The following MTHFD2L variants were observed in gnomAD, a reference collection of about 807,000 sequenced individuals.
MTHFD2L encodes the protein methylenetetrahydrofolate dehydrogenase (NADP+ dependent) 2 like.
MTHFD2L carries 29 observed loss-of-function variants against 34.9 expected under a neutral mutation model. That is an observed-to-expected ratio of 0.83 (90% CI 0.62 to 1.13). The LOEUF (loss-of-function observed/expected upper bound fraction) is 1.13, where lower values mean the gene tolerates loss of function less well. Among genes scored for constraint, MTHFD2L ranks in the 50% most tolerant of loss-of-function variants. The pLI is 0.00. For synonymous variants in MTHFD2L, 167 were observed against 155.7 expected (o/e 1.07, Z -0.54); for missense variants, 481 against 446.5 (o/e 1.08, Z -0.70).
At chr4:74,253,102 A>G (rs1193946720) in intron 6 of MTHFD2L, among the ~76,000 whole-genome samples, 1 of 152,168 alleles carries the variant, frequency 6.6e-6, no homozygotes, top group Non-Finnish European at 1.5e-5. Flanking sequence ...AGAATTTTAC[A>G]CCCAGCTAAA....
chr4:74,238,857 T>G (rs972998635), intron 6 of MTHFD2L, among the ~76,000 whole-genome samples: 4 of 152,158 alleles, frequency 2.6e-5, no homozygotes, highest in African/African-American at 9.7e-5. Context: ...GGAGAGGATG[T>G]GGAGAAATAG....
intron 1 of MTHFD2L, among the ~76,000 whole-genome samples, chr4:74,159,194 C>G (rs1320566440): frequency 6.6e-6 from 1 of 152,216 alleles, no homozygotes; most frequent in South Asian, 2.1e-4. Context: ...ATCTTAGTCT[C>G]GAGTGTCTGA....
In MTHFD2L at chr4:74,175,294, G is replaced by C. The variant is rs754027523; in HGVS notation, c.342G>C (p.Glu114Asp). 1.9e-6 allele frequency: 3 copies of C among 1,612,606 alleles called. No homozygotes were observed. Among genetic ancestry groups the C allele is most frequent in the Non-Finnish European group, 2.5e-6 (3 of 1,179,218 alleles). ...RAASAVGICS[E>D]LILKPKDVSQ... ...TTTTTCTTCTAGGTATTTGTAGTGA[G>C]CTCATTCTAAAACCTAAGGATGTTT... The change falls in exon 3 of 8, where the codon GAG (glutamate) becomes GAC (aspartate). Residue 114 changes from glutamate to aspartate, a missense_variant. Physicochemically the swap from Glu to Asp is conservative, Grantham distance 45. Coordinates refer to ENST00000325278, the MANE Select transcript of MTHFD2L (RefSeq NM_001144978.3).
At chr4:74,250,819 A>G (rs1016436654) in intron 6 of MTHFD2L, among the ~76,000 whole-genome samples, 4 of 152,288 alleles carry the variant, frequency 2.6e-5, no homozygotes, top group East Asian at 1.9e-4. Context: ...ATGAGGTTCT[A>G]TTATTCTTGC....
chr4:74,224,435 T>G (rs1738813529), intron 5 of MTHFD2L, among the ~76,000 whole-genome samples: 1 of 152,122 alleles, frequency 6.6e-6, no homozygotes, highest in Non-Finnish European at 1.5e-5. Flanking sequence ...GGTCTTCCAG[T>G]TTTTCTAAAA....
intron 6 of MTHFD2L, among the ~76,000 whole-genome samples, chr4:74,273,149 A>G (rs1202724450): frequency 5.3e-5 from 8 of 152,160 alleles, no homozygotes; most frequent in Non-Finnish European, 1.5e-5. Flanking sequence ...TGCAAATTTT[A>G]TCGTGGTGAG....
At chr4:74,209,937 T>C (rs1278655646) in intron 5 of MTHFD2L, among the ~76,000 whole-genome samples, 1 of 152,248 alleles carries the variant, frequency 6.6e-6, no homozygotes, top group African/African-American at 2.4e-5. Context: ...TGCATTTCTC[T>C]AATGACCAGT....
In MTHFD2L at chr4:74,244,149, A is replaced by G. The variant is rs141306261; in HGVS notation, c.805+18755A>G. Among the ~76,000 whole-genome samples, 389 of 152,194 alleles carry G rather than the reference A, an allele frequency of 2.6e-3. 1 individual carries two copies. The highest frequency in any genetic ancestry group is 0.014 in the Middle Eastern group (4 of 294). ...AGTCTTCTGATCAGAAAGATAGATG[A>G]GTGGGTAGTCTTTGCTTGGTGGTAG... On this transcript the variant is annotated intron_variant, in intron 6 of 7. Coordinates refer to ENST00000325278, the MANE Select transcript of MTHFD2L (RefSeq NM_001144978.3).
upstream of MTHFD2L, among the ~76,000 whole-genome samples, chr4:74,121,580 A>G (rs938569039): frequency 6.8e-6 from 1 of 146,778 alleles, no homozygotes; most frequent in Non-Finnish European, 1.5e-5. Flanking sequence ...GGTGAGTTGT[A>G]TAATTATTTA....
At chr4:74,192,572 C>T (rs1732741591) in intron 3 of MTHFD2L, among the ~76,000 whole-genome samples, 1 of 152,118 alleles carries the variant, frequency 6.6e-6, no homozygotes, top group Non-Finnish European at 1.5e-5. Context: ...TGCAAACTCT[C>T]ATGTAATCTA....
At chr4:74,239,395 A>G (rs1317429615) in intron 6 of MTHFD2L, among the ~76,000 whole-genome samples, 1 of 152,034 alleles carries the variant, frequency 6.6e-6, no homozygotes, top group Non-Finnish European at 1.5e-5. Flanking sequence ...ATAAATGACA[A>G]GTTAATGGGT....
At chr4:74,164,076 C>T (rs989470331) in intron 1 of MTHFD2L, among the ~76,000 whole-genome samples, 2 of 152,076 alleles carry the variant, frequency 1.3e-5, no homozygotes, top group Non-Finnish European at 2.9e-5. Context: ...GGGGTTTCAC[C>T]GTGTTAGCCA....
intron 3 of MTHFD2L, among the ~76,000 whole-genome samples, chr4:74,191,365 T>C (rs547483528): frequency 4.2e-5 from 5 of 119,170 alleles, no homozygotes; most frequent in African/African-American, 2.3e-4. Flanking sequence ...TACCTGGTCG[T>C]TTTTTTTTTT....
chr4:74,289,703 G>A (rs947495063), intron 7 of MTHFD2L, among the ~76,000 whole-genome samples: 2 of 152,156 alleles, frequency 1.3e-5, no homozygotes, highest in Non-Finnish European at 2.9e-5. Context: ...AATGGGTGAA[G>A]ATGTTAAGAG....
At chr4:74,246,415 C>G (rs1039324195) in intron 6 of MTHFD2L, among the ~76,000 whole-genome samples, 2 of 151,572 alleles carry the variant, frequency 1.3e-5, no homozygotes, top group African/African-American at 4.8e-5. Context: ...AAATTTTCTC[C>G]CATTTTGTAG....
chr4:74,267,524 T>G (rs1745465736), intron 6 of MTHFD2L, among the ~76,000 whole-genome samples: 1 of 147,654 alleles, frequency 6.8e-6, no homozygotes, highest in African/African-American at 2.5e-5. Flanking sequence ...GCTTAAGCAA[T>G]CTTCCCACCT....
At chr4:74,192,471 C>T (rs1417917499) in intron 3 of MTHFD2L, among the ~76,000 whole-genome samples, 2 of 152,118 alleles carry the variant, frequency 1.3e-5, no homozygotes, top group East Asian at 1.9e-4. Context: ...TTAGTGTATA[C>T]ATCATTAAGG....
chr4:74,286,599 A>G (rs1048117324), intron 7 of MTHFD2L, among the ~76,000 whole-genome samples: 1 of 152,196 alleles, frequency 6.6e-6, no homozygotes, highest in African/African-American at 2.4e-5. Context: ...TTGATCAGCT[A>G]AACAGTCTAA....
chr4:74,261,315 G>T (rs1001960803), intron 6 of MTHFD2L, among the ~76,000 whole-genome samples: 1 of 151,826 alleles, frequency 6.6e-6, no homozygotes, highest in African/African-American at 2.4e-5. Flanking sequence ...GTAAATGTAG[G>T]TAGTATCTAC....
Sources: gnomAD v4.1 joint callset for allele counts (sites outside exome capture counted in the v4.1 genomes callset) on GRCh38, gnomAD v4.1.1 for gene constraint, MANE v1.5 for transcripts, NCBI Gene and HGNC (gene_info 2026-07-23, HGNC 2026-07-21) for gene names.